ANKFN1: variants seen among roughly 807,000 people sequenced by gnomAD.
The protein encoded by ANKFN1 is ankyrin repeat and fibronectin type-III domain-containing protein 1.
In ANKFN1, 74 loss-of-function variants were observed where a neutral mutation model predicts 108.7. The observed-to-expected ratio is 0.68, with a 90% CI of 0.56 to 0.83. ANKFN1 has a LOEUF of 0.83. Ranked by LOEUF, ANKFN1 falls within the 40% of genes least tolerant of loss-of-function variation. The pLI is 0.00. For synonymous variants in ANKFN1, 547 were observed against 516.2 expected (o/e 1.06, Z -0.81); for missense variants, 1,505 against 1,382.3 (o/e 1.09, Z -1.41).
At chr17:56,259,172 T>C (rs2043438204) in intron 3 of ANKFN1, among the ~76,000 whole-genome samples, 3 of 152,122 alleles carry the variant, frequency 2.0e-5, no homozygotes, top group African/African-American at 2.4e-5. Flanking sequence ...TCATCAGCTA[T>C]TGAATGGTGA....
chr17:56,292,502 T>C (rs1280284298), intron 3 of ANKFN1, among the ~76,000 whole-genome samples: 1 of 152,178 alleles, frequency 6.6e-6, no homozygotes, highest in Admixed American at 6.5e-5. Flanking sequence ...GTCCACTCTT[T>C]TCTTGTGTCT....
intron 4 of ANKFN1, among the ~76,000 whole-genome samples, chr17:56,328,844 A>G (rs1293395235): frequency 2.0e-5 from 3 of 152,032 alleles, no homozygotes; most frequent in Admixed American, 2.0e-4. Context: ...AGAATTTGTC[A>G]CTGGGTTTCC....
chr17:56,126,658 A>T (rs1417892062), intron 4 of ANKFN1, among the ~76,000 whole-genome samples: 1 of 152,236 alleles, frequency 6.6e-6, no homozygotes, highest in African/African-American at 2.4e-5. Context: ...GCTGGCAAAG[A>T]GGAGGCTTCA....
intron 7 of ANKFN1, among the ~76,000 whole-genome samples, chr17:56,374,072 C>T (rs1445802178): frequency 6.6e-6 from 1 of 152,112 alleles, no homozygotes; most frequent in Non-Finnish European, 1.5e-5. Flanking sequence ...CTGGAAAGAG[C>T]CCAAAAGTAG....
intron 8 of ANKFN1, among the ~76,000 whole-genome samples, chr17:56,429,888 T>C (rs769296173): frequency 1.2e-4 from 18 of 152,222 alleles, no homozygotes; most frequent in Admixed American, 2.6e-4. Flanking sequence ...TGAAATATGT[T>C]GTGCTGGTAG....
chr17:56,273,961 A>G (rs2043853399), intron 3 of ANKFN1, among the ~76,000 whole-genome samples: 1 of 152,176 alleles, frequency 6.6e-6, no homozygotes, highest in African/African-American at 2.4e-5. Context: ...GACTTCTTCT[A>G]TGTTTGCTTC....
At chr17:56,047,406 A>G (rs1174904568) in intron 4 of ANKFN1, among the ~76,000 whole-genome samples, 5 of 152,036 alleles carry the variant, frequency 3.3e-5, no homozygotes, top group Non-Finnish European at 7.4e-5. Context: ...TTATCCTTAG[A>G]GCTGGCTTTG....
Position 56,227,912 on chromosome 17 carries a change from T to C in ANKFN1, c.13-5T>C. The C allele has an allele frequency of 6.2e-7, 1 of 1,604,018 alleles. No individual in the cohort carries two copies. Among genetic ancestry groups the C allele is most frequent in the African/African-American group, 1.3e-5 (1 of 74,364 alleles). ...TAACATTCTTTTTTTCTTTCTTTGT[T>C]TCAGAGGCTACTCTTTAAAGACAGG... is the stretch of plus-strand genomic sequence containing the variant. On this transcript the variant is annotated splice_region_variant and splice_polypyrimidine_tract_variant and intron_variant, in intron 2 of 20. Coordinates refer to ENST00000682825, the MANE Select transcript of ANKFN1 (RefSeq NM_001370326.1).
At chr17:56,092,491 G>T (rs1905437963) in intron 4 of ANKFN1, among the ~76,000 whole-genome samples, 1 of 150,820 alleles carries the variant, frequency 6.6e-6, no homozygotes, top group Non-Finnish European at 1.5e-5. Flanking sequence ...AGCCAGGATG[G>T]TCTCGATCTC....
intron 18 of ANKFN1, 114 bp from the exon 19 acceptor site, chr17:56,492,073 C>A: frequency 1.6e-6 from 1 of 618,172 alleles, no homozygotes; most frequent in Admixed American, 2.5e-5. Flanking sequence ...TAATATTTTC[C>A]ACTGATAGGA....
chr17:56,152,693 A>T (rs1335469267), upstream of ANKFN1, among the ~76,000 whole-genome samples: 1 of 152,132 alleles, frequency 6.6e-6, no homozygotes, highest in Non-Finnish European at 1.5e-5. Context: ...GAACATCTAC[A>T]CTGTGCCAGG....
chr17:56,204,850 C>T (rs1483656503), intron 1 of ANKFN1, among the ~76,000 whole-genome samples: 2 of 151,906 alleles, frequency 1.3e-5, no homozygotes, highest in African/African-American at 2.4e-5. Flanking sequence ...CCGAGGTGGG[C>T]GGATCACGAG....
At chr17:56,397,880 A>C (rs959949868) in intron 8 of ANKFN1, among the ~76,000 whole-genome samples, 5 of 152,268 alleles carry the variant, frequency 3.3e-5, no homozygotes, top group African/African-American at 9.6e-5. Context: ...TCTCCCTGTG[A>C]AGAAATTAGG....
At chr17:56,360,960 A>C (rs1243877587) in intron 6 of ANKFN1, among the ~76,000 whole-genome samples, 2 of 152,044 alleles carry the variant, frequency 1.3e-5, no homozygotes, top group African/African-American at 4.8e-5. Context: ...TCTAGTTGAA[A>C]ATTTGTACCC....
chr17:56,329,301 C>T (rs1567917890), intron 4 of ANKFN1, among the ~76,000 whole-genome samples: 2 of 152,140 alleles, frequency 1.3e-5, no homozygotes, highest in African/African-American at 4.8e-5. Context: ...CTCACTGGTA[C>T]TGACTTACCA....
intron 4 of ANKFN1, among the ~76,000 whole-genome samples, chr17:56,138,282 T>G (rs928103464): frequency 6.6e-6 from 1 of 151,462 alleles, no homozygotes; most frequent in African/African-American, 2.4e-5. Context: ...TCAAAAAAAG[T>G]CCATCCAGAA....
Position 56,227,786 on chromosome 17 carries a change from T to C in ANKFN1, c.13-131T>C, listed in dbSNP as rs543447547. Reference sequence around the variant, plus strand: ...CCCAAGAAAAGTCTCCCAATAAATATATATTCATCTGTAGGCTAGGCTTCT... The same window carrying C: ...CCCAAGAAAAGTCTCCCAATAAATACATATTCATCTGTAGGCTAGGCTTCT... On this transcript the variant is annotated intron_variant, in intron 2 of 20. Coordinates refer to ENST00000682825, the MANE Select transcript of ANKFN1 (RefSeq NM_001370326.1). 8.1e-5 allele frequency: 59 copies of C among 724,480 alleles called. 1 individual carries two copies. In the South Asian group the frequency reaches 9.5e-4, roughly 12 times the overall value. 44.9% of individuals were successfully genotyped at this position (724,480 alleles called of 1,614,324 possible).
chr17:56,196,519 A>C (rs1462674368), intron 1 of ANKFN1, among the ~76,000 whole-genome samples: 1 of 152,148 alleles, frequency 6.6e-6, no homozygotes, highest in Non-Finnish European at 1.5e-5. Context: ...AGATCGCATG[A>C]AGCCAGGAAT....
At chr17:56,501,837 G>A (rs1413074360) in intron 20 of ANKFN1, among the ~76,000 whole-genome samples, 1 of 152,166 alleles carries the variant, frequency 6.6e-6, no homozygotes, top group East Asian at 1.9e-4. Flanking sequence ...GAATCAAAAT[G>A]TGTAGAGAAA....
Sources: allele counts gnomAD v4.1 joint callset (sites outside exome capture counted in the v4.1 genomes callset), GRCh38; gene constraint gnomAD v4.1.1; transcripts MANE v1.5; gene names NCBI Gene and HGNC (gene_info 2026-07-23, HGNC 2026-07-21).